Variants in SLC39A11 observed in about 807,000 individuals in gnomAD.
SLC39A11 encodes the protein zinc transporter ZIP11.
A neutral mutation model predicts 36.1 loss-of-function variants in SLC39A11; 33 were observed. The ratio of observed to expected loss-of-function variants is 0.91; its 90% CI spans 0.69 to 1.22. The LOEUF (loss-of-function observed/expected upper bound fraction) is 1.22, where lower values mean the gene tolerates loss of function less well. Among genes scored for constraint, SLC39A11 ranks in the 50% most tolerant of loss-of-function variants. The probability of loss-of-function intolerance (pLI) is 0.00; values close to 1 mark genes in which losing one functional copy is unlikely to be tolerated. For synonymous variants in SLC39A11, 166 were observed against 170.3 expected (o/e 0.97, Z 0.20); for missense variants, 432 against 430.3 (o/e 1.00, Z -0.03).
chr17:73,048,788 G>A (rs996622116), intron 3 of SLC39A11, among the ~76,000 whole-genome samples: 9 of 152,168 alleles, frequency 5.9e-5, no homozygotes, highest in Non-Finnish European at 1.0e-4. Flanking sequence ...TGTTTATTAT[G>A]TCTCTATTCT....
chr17:73,082,072 C>G lies in SLC39A11; in HGVS notation c.147+2736G>C, dbSNP rs556227550. Among the ~76,000 whole-genome samples the G allele has an allele frequency of 1.9e-3, 240 of 128,866 alleles. 1 individual carries two copies. Among genetic ancestry groups the G allele is most frequent in the African/African-American group, 6.5e-3 (228 of 34,878 alleles). The allele number at this position is 128,866 out of a possible 152,430, so 84.5% of individuals were successfully genotyped here. ...AGAAATTACCGCTAAAGAACTTATC[C>G]TTTTAACCAAACATCACCTGTTCCC... On this transcript the variant is annotated intron_variant, in intron 3 of 9. Coordinates refer to ENST00000255559, the MANE Select transcript of SLC39A11 (RefSeq NM_139177.4).
At chr17:72,734,867 G>A (rs960378124) in intron 7 of SLC39A11, among the ~76,000 whole-genome samples, 4 of 152,128 alleles carry the variant, frequency 2.6e-5, no homozygotes, top group African/African-American at 9.7e-5. Flanking sequence ...CACCCTCTGG[G>A]CTCTTCAGCC....
At chr17:72,969,968 G>A (rs1240245904) in intron 4 of SLC39A11, among the ~76,000 whole-genome samples, 1 of 152,156 alleles carries the variant, frequency 6.6e-6, no homozygotes, top group Non-Finnish European at 1.5e-5. Flanking sequence ...TCCGGGGACC[G>A]AAGCCCAGGG....
intron 6 of SLC39A11, among the ~76,000 whole-genome samples, chr17:72,793,987 G>C (rs2076805848): frequency 6.6e-6 from 1 of 152,142 alleles, no homozygotes; most frequent in Non-Finnish European, 1.5e-5. Context: ...TTGAAAGAAA[G>C]CTTGAGGGAC....
chr17:72,870,032 CT>C (rs982354550), intron 5 of SLC39A11, among the ~76,000 whole-genome samples: 14 of 147,660 alleles, frequency 9.5e-5, no homozygotes, highest in East Asian at 2.0e-4. Flanking sequence ...TCTTCTTCTT[CT>C]TTTTTTTTTG....
rs558852094 is a variant in SLC39A11 at position 73,000,165 on chromosome 17, C to A, written c.306+31391G>T. Among the ~76,000 whole-genome samples, 13 of 152,300 alleles carry A rather than the reference C, an allele frequency of 8.5e-5. No homozygotes were observed. In the South Asian group the frequency reaches 2.5e-3, roughly 29 times the overall value. ...GACCGAGTTCTGCCTACCAGATGCACCGGGATAGTCAGACTATCTCAGAAG... is the reference window on the plus strand; with the variant it reads ...GACCGAGTTCTGCCTACCAGATGCAACGGGATAGTCAGACTATCTCAGAAG... On this transcript the variant is annotated intron_variant, in intron 4 of 9. Coordinates refer to ENST00000255559, the MANE Select transcript of SLC39A11 (RefSeq NM_139177.4).
chr17:72,983,213 G>C (rs1244601450), intron 4 of SLC39A11, among the ~76,000 whole-genome samples: 1 of 151,772 alleles, frequency 6.6e-6, no homozygotes, highest in Non-Finnish European at 1.5e-5. Flanking sequence ...GCAGTGCCGC[G>C]ATCTCAGCTC....
intron 6 of SLC39A11, among the ~76,000 whole-genome samples, chr17:72,737,283 A>T (rs148006843): frequency 0.36 from 54,187 of 151,672 alleles, 10,859 homozygotes; most frequent in Middle Eastern, 0.52. Context: ...CTCAAAAAAA[A>T]AAAAATAAAA....
chr17:72,932,767 C>T (rs577830148), intron 5 of SLC39A11, among the ~76,000 whole-genome samples: 7 of 152,272 alleles, frequency 4.6e-5, no homozygotes, highest in African/African-American at 1.7e-4. Flanking sequence ...CCATTCTAAG[C>T]ATTTTACATG....
intron 4 of SLC39A11, among the ~76,000 whole-genome samples, chr17:73,018,993 A>G (rs2058257921): frequency 6.6e-6 from 1 of 152,236 alleles, no homozygotes; most frequent in Non-Finnish European, 1.5e-5. Context: ...ACTTCTCATC[A>G]GAAACAACAT....
intron 7 of SLC39A11, among the ~76,000 whole-genome samples, chr17:72,729,426 TATATATATATATA>T (rs2074085234): frequency 5.6e-4 from 3 of 5,310 alleles, no homozygotes; most frequent in Non-Finnish European, 2.0e-3. Flanking sequence ...TATATATATA[TATATATATATATA>T]TATATATATA....
chr17:72,866,111 G>A (rs746316852), intron 5 of SLC39A11, among the ~76,000 whole-genome samples: 5 of 152,182 alleles, frequency 3.3e-5, no homozygotes, highest in Non-Finnish European at 4.4e-5. Context: ...GCAAGCAGTT[G>A]AAGCTTCATC....
At chr17:72,816,211 T>C (rs1226223010) in intron 6 of SLC39A11, among the ~76,000 whole-genome samples, 1 of 152,204 alleles carries the variant, frequency 6.6e-6, no homozygotes, top group Non-Finnish European at 1.5e-5. Context: ...CATGACTATA[T>C]TCTTCAGATG....
intron 3 of SLC39A11, among the ~76,000 whole-genome samples, chr17:73,058,743 A>G (rs545934055): frequency 6.6e-6 from 1 of 152,332 alleles, no homozygotes; most frequent in South Asian, 2.1e-4. Flanking sequence ...AAAAGGGTTA[A>G]TCTTCAGAAG....
chr17:72,649,261 C>G lies in SLC39A11; in HGVS notation c.679G>C (p.Ala227Pro). 1 of 1,614,000 alleles carries G rather than the reference C, an allele frequency of 6.2e-7. No homozygotes were observed. Among genetic ancestry groups the G allele is most frequent in the Non-Finnish European group, 8.5e-7 (1 of 1,179,950 alleles). ...AAATTCTGGATCCCGATTCCAATGG[C>G]CAAATTCCTGAAAAACCAAGAAAGC... Reference protein sequence around the residue: ...SATFESARNLAIGIGIQNFPE... With the variant: ...SATFESARNLPIGIGIQNFPE... Residue 227 changes from alanine (A) to proline (P), a missense_variant, in exon 8 of 10, where the codon GCC becomes CCC. Coordinates refer to ENST00000255559, the MANE Select transcript of SLC39A11 (RefSeq NM_139177.4).
At chr17:72,839,234 C>T (rs1001577604) in intron 6 of SLC39A11, 1 of 152,068 alleles carries the variant, frequency 6.6e-6, no homozygotes, top group Non-Finnish European at 1.5e-5. Context: ...GAATCTCTGG[C>T]CTGCATTCAG....
intron 5 of SLC39A11, among the ~76,000 whole-genome samples, chr17:72,862,441 G>C (rs2080087412): frequency 6.6e-6 from 1 of 152,226 alleles, no homozygotes. Flanking sequence ...AATGGACCCT[G>C]CTTGGTGAAC....
At chr17:72,822,527 CACA>C (rs1397215850) in intron 6 of SLC39A11, among the ~76,000 whole-genome samples, 1 of 150,822 alleles carries the variant, frequency 6.6e-6, no homozygotes, top group Admixed American at 6.6e-5. Context: ...GTGGCCAGTG[CACA>C]ACAACTGAGA....
chr17:73,009,483 T>C (rs2090393028), intron 4 of SLC39A11, among the ~76,000 whole-genome samples: 1 of 151,706 alleles, frequency 6.6e-6, no homozygotes. Context: ...ATTCCAGTAA[T>C]ATGAAATGTC....
Sources: gnomAD v4.1 joint callset for allele counts (sites outside exome capture counted in the v4.1 genomes callset) on GRCh38, gnomAD v4.1.1 for gene constraint, MANE v1.5 for transcripts, NCBI Gene and HGNC (gene_info 2026-07-23, HGNC 2026-07-21) for gene names.